BOC: variants seen among roughly 807,000 people sequenced by gnomAD.
The protein encoded by BOC is brother of CDO.
BOC carries 76 observed loss-of-function variants against 112.0 expected under a neutral mutation model. The observed-to-expected ratio is 0.68, with a 90% CI of 0.56 to 0.82. The LOEUF (loss-of-function observed/expected upper bound fraction) is 0.82. Among genes scored for constraint, BOC ranks in the 40% least tolerant of loss-of-function variants. The pLI, the probability that BOC is intolerant of heterozygous loss-of-function variation, is 0.00. For missense variants in BOC, 1,309 were observed against 1,511.7 expected (o/e 0.87, Z 2.22); for synonymous variants, 580 against 599.8 (o/e 0.97, Z 0.48).
intron 9 of BOC, among the ~76,000 whole-genome samples, chr3:113,276,810 A>C (rs1948717915): frequency 6.6e-6 from 1 of 152,204 alleles, no homozygotes; most frequent in African/African-American, 2.4e-5. Flanking sequence ...ATGAGCCCAG[A>C]CCATTCCTGT....
At chr3:113,235,818 AG>A (rs1263896810) in intron 2 of BOC, among the ~76,000 whole-genome samples, 6 of 152,214 alleles carry the variant, frequency 3.9e-5, no homozygotes, top group Admixed American at 2.0e-4. Flanking sequence ...CTTCTGATGC[AG>A]GTGTGTAGGG....
At chr3:113,211,277 G>C (rs905025550), upstream of BOC, 8 of 152,428 alleles carry the variant, frequency 5.2e-5, no homozygotes, top group Admixed American at 3.9e-4. Context: ...AGCCCCCTGG[G>C]TTCGGGGAAA....
chr3:113,280,511 T>C, intron 13 of BOC, 47 bp from the exon 14 acceptor site: 1 of 1,369,952 alleles, frequency 7.3e-7, no homozygotes, highest in Non-Finnish European at 1.0e-6. Context: ...GCTTTGATGA[T>C]GTTTTCTCTG....
chr3:113,286,565 C>A, intron 19 of BOC, 110 bp from the exon 20 acceptor site: 2 of 1,022,914 alleles, frequency 2.0e-6, no homozygotes, highest in Non-Finnish European at 2.8e-6. Flanking sequence ...GTCCCCTTTC[C>A]AGAGCCAGTG....
At chr3:113,261,979 T>C (rs1946936444) in intron 4 of BOC, 1 of 152,208 alleles carries the variant, frequency 6.6e-6, no homozygotes, top group African/African-American at 2.4e-5. Context: ...TTTGTTTTTT[T>C]TTTTAATTCT....
At chr3:113,240,215 G>A (rs1944107777) in intron 2 of BOC, among the ~76,000 whole-genome samples, 1 of 152,206 alleles carries the variant, frequency 6.6e-6, no homozygotes, top group Admixed American at 6.5e-5. Flanking sequence ...CAGTGGGTAA[G>A]AACAGGGAAT....
intron 2 of BOC, among the ~76,000 whole-genome samples, chr3:113,239,168 G>C (rs2107794931): frequency 6.6e-6 from 1 of 152,208 alleles, no homozygotes; most frequent in Non-Finnish European, 1.5e-5. Flanking sequence ...ATAAATTTTG[G>C]ATATATCATG....
In BOC at chr3:113,284,475, A is replaced by C. The variant is rs998125357; in HGVS notation, c.2797A>C (p.Asn933His). The change falls in exon 17 of 20, where the codon AAT becomes CAT. Residue 933 changes from asparagine (N) to histidine (H), a missense_variant. Transcript: ENST00000682979. ...LSGISGRACA[N>H]GIHMNRGCPS... ...TGGCATCAGTGGACGGGCCTGTGCT[A>C]ATGGGATCCACATGAATAGGGGCTG... is the stretch of plus-strand genomic sequence containing the variant. 9 of 1,614,076 alleles carry C rather than the reference A, an allele frequency of 5.6e-6. No individual in the cohort carries two copies. Among genetic ancestry groups the C allele is most frequent in the Non-Finnish European group, 5.9e-6 (7 of 1,180,018 alleles).
At chr3:113,251,999 A>G (rs1043262459) in intron 4 of BOC, 4 of 152,150 alleles carry the variant, frequency 2.6e-5, no homozygotes, top group African/African-American at 7.2e-5. Flanking sequence ...CAGACGTCCT[A>G]CCTTTGCATG....
chr3:113,272,454 C>A lies in BOC; in HGVS notation c.712C>A (p.Gln238Lys), dbSNP rs1336842087. The stretch of plus-strand genomic sequence containing the variant: ...CCGCATCATCTACCCCCCAGAGGCC[C>A]AAACCATCATCGTCACCAAAGGCCA... ...AARIIYPPEA[Q>K]TIIVTKGQSL... The change falls in exon 7 of 20, where the codon CAA becomes AAA. Residue 238 changes from glutamine (Q) to lysine (K), a missense_variant. By Grantham distance (53) the Gln-to-Lys change is moderately conservative. Transcript: ENST00000682979. 6.2e-7 allele frequency: 1 copy of A among 1,614,124 alleles called. No individual in the cohort carries two copies. The highest frequency in any genetic ancestry group is 8.5e-7 in the Non-Finnish European group (1 of 1,180,038).
intron 2 of BOC, among the ~76,000 whole-genome samples, chr3:113,217,481 G>A (rs1553192): frequency 0.31 from 47,481 of 151,772 alleles, 7,729 homozygotes; most frequent in Middle Eastern, 0.51. Flanking sequence ...GAGCTGAGAT[G>A]GTGCCACTGC....
At position 113,281,065 on chromosome 3, in the gene BOC, G is replaced by A. The variant is rs758628819; in HGVS notation, c.2346G>A (p.Gln782=). The change falls in exon 15 of 20, where the codon CAG becomes CAA. Residue 782 remains glutamine, a synonymous_variant. Transcript: ENST00000682979. ...DKYWHSISHL[Q]PETSYDIKMQ... ...ACTGGCACTCCATCAGCCACCTGCA[G>A]CCAGAGACCTCCTACGACATTAAGA... The A allele has an allele frequency of 1.0e-4, 163 of 1,614,012 alleles. No homozygotes were observed. Among genetic ancestry groups the A allele is most frequent in the Non-Finnish European group, 1.4e-4 (162 of 1,180,036 alleles).
At chr3:113,233,448 G>A (rs1361536788) in intron 2 of BOC, among the ~76,000 whole-genome samples, 1 of 152,054 alleles carries the variant, frequency 6.6e-6, no homozygotes, top group African/African-American at 2.4e-5. Flanking sequence ...AACTAACAGA[G>A]GAAATCAAAA....
At position 113,283,586 on chromosome 3, in the gene BOC, C is replaced by T. The variant is rs777764638; in HGVS notation, c.2610C>T (p.Ile870=). 7 of 1,613,666 alleles carry T rather than the reference C, an allele frequency of 4.3e-6. No homozygotes were observed. Among genetic ancestry groups the T allele is most frequent in the African/African-American group, 2.7e-5 (2 of 74,758 alleles). The part of the protein sequence containing the change: ...GVVLGSIVLI[I]VTFIPFCLWR... ...TCCTGGGCTCCATCGTTCTCATCAT[C>T]GTCACCTTCATCCCCTTCTGCTTGT... The change falls in exon 16 of 20, where the codon ATC becomes ATT. Residue 870 remains isoleucine, a synonymous_variant. Transcript: ENST00000682979.
rs760831326 is a variant in BOC at position 113,283,556 on chromosome 3, G to A, written c.2580G>A (p.Gly860=). 1 of 1,613,856 alleles carries A rather than the reference G, an allele frequency of 6.2e-7. No individual in the cohort carries two copies. The highest frequency in any genetic ancestry group is 1.1e-5 in the South Asian group (1 of 91,048). The change falls in exon 16 of 20, where the codon GGG becomes GGA. Residue 860 remains glycine (G), a synonymous_variant. Coordinates refer to ENST00000682979, the MANE Select transcript of BOC (RefSeq NM_001378074.1). ...GCGACCTGCCCTATCTGATTGTCGGGGTCGTCCTGGGCTCCATCGTTCTCA... is the reference window on the plus strand; with the variant it reads ...GCGACCTGCCCTATCTGATTGTCGGAGTCGTCCTGGGCTCCATCGTTCTCA... ...RSSDLPYLIV[G]VVLGSIVLII...
At chr3:113,234,783 GT>G (rs1161201788) in intron 2 of BOC, among the ~76,000 whole-genome samples, 1 of 152,004 alleles carries the variant, frequency 6.6e-6, no homozygotes, top group Non-Finnish European at 1.5e-5. Context: ...AGAGTGCCTT[GT>G]TTTTACTGCA....
intron 2 of BOC, among the ~76,000 whole-genome samples, chr3:113,234,179 A>G (rs1215569928): frequency 6.6e-6 from 1 of 152,240 alleles, no homozygotes; most frequent in African/African-American, 2.4e-5. Flanking sequence ...ATGCTGACAC[A>G]TAGACTTCTG....
chr3:113,211,285 A>G (rs1374255387), upstream of BOC: 1 of 152,396 alleles, frequency 6.6e-6, no homozygotes, highest in African/African-American at 2.4e-5. Flanking sequence ...GGGTTCGGGG[A>G]AAAGGGAGAA....
At chr3:113,213,822 G>C (rs1938762045) in intron 1 of BOC, among the ~76,000 whole-genome samples, 1 of 152,182 alleles carries the variant, frequency 6.6e-6, no homozygotes, top group South Asian at 2.1e-4. Flanking sequence ...ATGAGTTTAT[G>C]CAAAGAGGTA....
Sources: allele counts gnomAD v4.1 joint callset (sites outside exome capture counted in the v4.1 genomes callset), GRCh38; gene constraint gnomAD v4.1.1; transcripts MANE v1.5; gene names NCBI Gene and HGNC (gene_info 2026-07-23, HGNC 2026-07-21).